Variants in FAM53B observed in about 807,000 individuals in gnomAD.
FAM53B encodes protein FAM53B.
A neutral mutation model predicts 32.7 loss-of-function variants in FAM53B; 12 were observed. The ratio of observed to expected loss-of-function variants is 0.37; its 90% confidence interval spans 0.24 to 0.59. FAM53B has a LOEUF of 0.59. Ranked by LOEUF, FAM53B falls within the 20% of genes least tolerant of loss-of-function variation. The probability of loss-of-function intolerance (pLI) is 0.72; values close to 1 mark genes in which losing one functional copy is unlikely to be tolerated. For missense variants in FAM53B, 477 were observed against 577.7 expected, an observed-to-expected ratio of 0.83 and a Z score of 1.79; for synonymous variants, 234 against 228.7, an observed-to-expected ratio of 1.02 and a Z score of -0.21.
intron 1 of FAM53B, among the ~76,000 whole-genome samples, chr10:124,707,325 A>T (rs1452956857): frequency 2.0e-5 from 3 of 152,202 alleles, no homozygotes; most frequent in African/African-American, 7.2e-5. Flanking sequence ...CCAACACCAA[A>T]GGGGTCGGCC....
chr10:124,666,906 C>T (rs2134060220), intron 4 of FAM53B, among the ~76,000 whole-genome samples: 1 of 152,374 alleles, frequency 6.6e-6, no homozygotes, highest in Non-Finnish European at 1.5e-5. Flanking sequence ...GCAGAGGGCA[C>T]AGCCCAGAGC....
rs1406605708 is a variant in FAM53B at position 124,737,994 on chromosome 10, A to G, written c.-175+6019T>C. Among the ~76,000 whole-genome samples the G allele has an allele frequency of 3.9e-5, 6 of 152,254 alleles. No homozygotes were observed. In the East Asian group the frequency reaches 1.2e-3, roughly 29 times the overall value. On this transcript the variant is annotated intron_variant, in intron 1 of 4. Coordinates refer to ENST00000337318, the MANE Select transcript of FAM53B (RefSeq NM_014661.4). ...TCTGGAAAGAAGGTGGTTCAAAGGG[A>G]CTGTGCTGAATCTTGGCCCAGCAGA...
intron 1 of FAM53B, among the ~76,000 whole-genome samples, chr10:124,739,512 AGAGT>A (rs1950189484): frequency 6.6e-6 from 1 of 152,266 alleles, no homozygotes; most frequent in South Asian, 2.1e-4. Flanking sequence ...GAGAACAAAA[AGAGT>A]GAGTGGAGAA....
intron 2 of FAM53B, among the ~76,000 whole-genome samples, chr10:124,705,154 T>C (rs1158463707): frequency 6.6e-6 from 1 of 152,156 alleles, no homozygotes; most frequent in Non-Finnish European, 1.5e-5. Context: ...CCTCACAGGC[T>C]GAGGCCCATG....
At chr10:124,670,209 T>C (rs1259355599) in intron 4 of FAM53B, among the ~76,000 whole-genome samples, 2 of 152,168 alleles carry the variant, frequency 1.3e-5, no homozygotes, top group Admixed American at 6.5e-5. Flanking sequence ...TAACTTCCTC[T>C]GAGCCTGTCC....
chr10:124,718,726 T>C (rs1950050918), intron 1 of FAM53B, among the ~76,000 whole-genome samples: 1 of 152,246 alleles, frequency 6.6e-6, no homozygotes, highest in African/African-American at 2.4e-5. Flanking sequence ...TTCTTGCCTC[T>C]TAAGGCAGAG....
At chr10:124,702,578 G>A (rs1949922303) in intron 2 of FAM53B, among the ~76,000 whole-genome samples, 1 of 152,218 alleles carries the variant, frequency 6.6e-6, no homozygotes, top group Non-Finnish European at 1.5e-5. Flanking sequence ...AAGCAGACAA[G>A]GGCCTGGACT....
intron 4 of FAM53B, among the ~76,000 whole-genome samples, chr10:124,661,064 A>AAAAAC (rs950038859): frequency 5.9e-5 from 9 of 151,708 alleles, no homozygotes; most frequent in Admixed American, 2.6e-4. Flanking sequence ...ATTAAAAAAA[A>AAAAAC]AAAAAAAAAA....
At chr10:124,670,527 T>C (rs1192978954) in intron 4 of FAM53B, among the ~76,000 whole-genome samples, 1 of 152,086 alleles carries the variant, frequency 6.6e-6, no homozygotes, top group Non-Finnish European at 1.5e-5. Context: ...CTCAGGAACC[T>C]GTCCCCCCAG....
chr10:124,649,641 C>T (rs374092251), intron 4 of FAM53B, among the ~76,000 whole-genome samples: 10 of 152,330 alleles, frequency 6.6e-5, no homozygotes, highest in African/African-American at 2.4e-4. Flanking sequence ...ATAAAGGCCG[C>T]CTTCCATGCA....
At chr10:124,653,951 A>C (rs1411175928) in intron 4 of FAM53B, among the ~76,000 whole-genome samples, 1 of 152,140 alleles carries the variant, frequency 6.6e-6, no homozygotes, top group African/African-American at 2.4e-5. Context: ...CCACCTGGTA[A>C]CCTTCTGGAA....
chr10:124,681,091 T>C (rs945263122), intron 4 of FAM53B, among the ~76,000 whole-genome samples: 5 of 152,232 alleles, frequency 3.3e-5, no homozygotes, highest in Admixed American at 1.3e-4. Flanking sequence ...TCAGAGGATA[T>C]TGATCACAAC....
chr10:124,667,059 C>A, intron 4 of FAM53B: 3 of 296,454 alleles, frequency 1.0e-5, no homozygotes, highest in Non-Finnish European at 1.9e-5. Context: ...TATACCCGTA[C>A]CCCAAAGCCC....
chr10:124,725,704 T>C (rs1393977711), intron 1 of FAM53B, among the ~76,000 whole-genome samples: 1 of 152,096 alleles, frequency 6.6e-6, no homozygotes, highest in African/African-American at 2.4e-5. Context: ...GGACAGTGGA[T>C]GGTGTGTGTT....
At position 124,626,008 on chromosome 10, in the gene FAM53B, T is replaced by C. The variant is rs1359536979; in HGVS notation, c.907-2404A>G. Among the ~76,000 whole-genome samples the C allele has an allele frequency of 2.0e-5, 3 of 152,348 alleles. No homozygotes were observed. The East Asian group carries it at 5.8e-4, about 29-fold the overall frequency. ...CCAGTCAAGGCCAGAGCAGCCCGGA[T>C]GACATGCTGTGAACAGGTTCTAGGT... On this transcript the variant is annotated intron_variant, in intron 4 of 4. Coordinates refer to ENST00000337318, the MANE Select transcript of FAM53B (RefSeq NM_014661.4).
intron 1 of FAM53B, among the ~76,000 whole-genome samples, chr10:124,730,754 T>A (rs1471177686): frequency 6.6e-6 from 1 of 152,172 alleles, no homozygotes; most frequent in African/African-American, 2.4e-5. Context: ...TTCGTTTCAT[T>A]TAGATTTAAT....
At chr10:124,642,285 G>A (rs1949481081) in intron 4 of FAM53B, among the ~76,000 whole-genome samples, 1 of 152,226 alleles carries the variant, frequency 6.6e-6, no homozygotes, top group Non-Finnish European at 1.5e-5. Flanking sequence ...ACGGGCTCCA[G>A]GGAAGGAGAG....
chr10:124,630,194 C>T (rs1459755569), intron 4 of FAM53B, among the ~76,000 whole-genome samples: 2 of 152,248 alleles, frequency 1.3e-5, no homozygotes, highest in Non-Finnish European at 1.5e-5. Context: ...AGGTGGATTG[C>T]TTGAGCCCAG....
At chr10:124,705,342 C>T (rs1949947301) in intron 2 of FAM53B, among the ~76,000 whole-genome samples, 1 of 152,210 alleles carries the variant, frequency 6.6e-6, no homozygotes, top group South Asian at 2.1e-4. Context: ...CAGTTACTGC[C>T]TGCTCCAGGT....
Sources: gnomAD v4.1 joint callset for allele counts (sites outside exome capture counted in the v4.1 genomes callset) on GRCh38, gnomAD v4.1.1 for gene constraint, MANE v1.5 for transcripts, NCBI Gene and HGNC (gene_info 2026-07-23, HGNC 2026-07-21) for gene names.